SLC45A2: variants seen among roughly 807,000 people sequenced by gnomAD.
The protein encoded by SLC45A2 is membrane-associated transporter protein.
Under a neutral mutation model 45.5 loss-of-function variants are expected in SLC45A2, and 36 were observed. The observed-to-expected ratio is 0.79, with a 90% CI of 0.61 to 1.04. The LOEUF (loss-of-function observed/expected upper bound fraction) is 1.04. SLC45A2 is among the 50% of genes least tolerant of loss of function. The pLI, the probability that SLC45A2 is intolerant of heterozygous loss-of-function variation, is 0.00. For missense variants in SLC45A2, 719 were observed against 671.0 expected (o/e 1.07, Z -0.79); for synonymous variants, 306 against 269.3 (o/e 1.14, Z -1.33).
At chr5:33,970,709 C>G (rs1298144840) in intron 2 of SLC45A2, among the ~76,000 whole-genome samples, 1 of 152,228 alleles carries the variant, frequency 6.6e-6, no homozygotes, top group African/African-American at 2.4e-5. Context: ...GAATATCCAT[C>G]TCACCAATAT....
At chr5:33,968,400 G>A (rs1272352575) in intron 2 of SLC45A2, among the ~76,000 whole-genome samples, 1 of 152,210 alleles carries the variant, frequency 6.6e-6, no homozygotes, top group East Asian at 1.9e-4. Context: ...TATTGGGCAA[G>A]CCATAAGCCA....
At chr5:33,959,623 T>C (rs1561361943) in intron 3 of SLC45A2, among the ~76,000 whole-genome samples, 1 of 152,200 alleles carries the variant, frequency 6.6e-6, no homozygotes, top group Non-Finnish European at 1.5e-5. Flanking sequence ...GGAGCTACTG[T>C]TGGAATCAGA....
chr5:33,964,131 G>T (rs923734660), intron 2 of SLC45A2, 115 bp from the exon 3 acceptor site: 2 of 1,042,750 alleles, frequency 1.9e-6, no homozygotes, highest in Non-Finnish European at 1.5e-6. Flanking sequence ...AGGCAACCTG[G>T]ATATAATTGG....
At chr5:33,952,639 G>A (rs1250643407) in intron 4 of SLC45A2, among the ~76,000 whole-genome samples, 3 of 151,422 alleles carry the variant, frequency 2.0e-5, no homozygotes, top group Admixed American at 2.0e-4. Flanking sequence ...TTTCATACAG[G>A]CCGGAGCTAA....
intron 2 of SLC45A2, among the ~76,000 whole-genome samples, chr5:33,970,704 T>C (rs1227271828): frequency 6.6e-6 from 1 of 152,192 alleles, no homozygotes; most frequent in East Asian, 1.9e-4. Context: ...AAACTGAATA[T>C]CCATCTCACC....
intron 6 of SLC45A2, among the ~76,000 whole-genome samples, chr5:33,945,153 G>A (rs947368918): frequency 3.3e-5 from 5 of 152,094 alleles, no homozygotes; most frequent in Middle Eastern, 3.2e-3. Context: ...ATATTGATGG[G>A]TATTAGCATT....
At chr5:33,972,181 T>C (rs1752803067) in intron 2 of SLC45A2, 2 of 523,552 alleles carry the variant, frequency 3.8e-6, no homozygotes, top group Non-Finnish European at 7.8e-6. Flanking sequence ...AATTAGATGC[T>C]ATTGATGGTT....
intron 2 of SLC45A2, among the ~76,000 whole-genome samples, chr5:33,969,321 C>T (rs1308169107): frequency 6.6e-6 from 1 of 151,922 alleles, no homozygotes; most frequent in Non-Finnish European, 1.5e-5. Context: ...GATACATATG[C>T]TCTGGTCAAA....
intron 3 of SLC45A2, among the ~76,000 whole-genome samples, chr5:33,960,931 C>T (rs1752436329): frequency 6.6e-6 from 1 of 152,154 alleles, no homozygotes; most frequent in African/African-American, 2.4e-5. Flanking sequence ...CATAGGAACT[C>T]TCTCTACTAT....
chr5:33,981,396 G>C (rs1753067205), intron 2 of SLC45A2, among the ~76,000 whole-genome samples: 1 of 152,202 alleles, frequency 6.6e-6, no homozygotes, highest in Admixed American at 6.5e-5. Context: ...GCCATGGAAG[G>C]AGAGAGAATA....
At chr5:33,947,124 C>T in intron 6 of SLC45A2, 39 bp downstream of exon 6, 1 of 1,614,180 alleles carries the variant, frequency 6.2e-7, no homozygotes, top group East Asian at 2.2e-5. Flanking sequence ...TCAGATGAGT[C>T]TGGATGTTAC....
chr5:33,963,340 A>G lies in SLC45A2; in HGVS notation c.888+351T>C, dbSNP rs575165536. ...CCAACCCAAGGATGCTACCATTTGG[A>G]GGAAAAAATTTCTAATTTATGATCC... On this transcript the variant is annotated intron_variant, in intron 3 of 6. Transcript: ENST00000296589. Among the ~76,000 whole-genome samples, 37 of 152,294 alleles carry G rather than the reference A, an allele frequency of 2.4e-4. 1 individual carries two copies. The highest frequency in any genetic ancestry group is 8.9e-4 in the African/African-American group (37 of 41,570).
chr5:33,946,583 G>A, intron 6 of SLC45A2: 1 of 993,718 alleles, frequency 1.0e-6, no homozygotes, highest in Non-Finnish European at 1.2e-6. Context: ...GGTTTAAATG[G>A]CACAGGTCCC....
chr5:33,974,557 C>A (rs188347466), intron 2 of SLC45A2, among the ~76,000 whole-genome samples: 1 of 152,242 alleles, frequency 6.6e-6, no homozygotes, highest in Non-Finnish European at 1.5e-5. Context: ...ACTGAACATG[C>A]CTCTGCCGGA....
chr5:33,962,955 C>T, intron 3 of SLC45A2, among the ~76,000 whole-genome samples: 1 of 152,158 alleles, frequency 6.6e-6, no homozygotes, highest in East Asian at 1.9e-4. Flanking sequence ...CAGTGTTGTC[C>T]AACAGAACGT....
rs752192532 is a variant in SLC45A2 at position 33,982,373 on chromosome 5, A to T, written c.425T>A (p.Ile142Lys). 3 of 1,614,106 alleles carry T rather than the reference A, an allele frequency of 1.9e-6. No individual in the cohort carries two copies. The African/African-American group carries it at 4.0e-5, about 22-fold the overall frequency. ...AACGACACCTATCATGGTGACACTT[A>T]TGGCCCAAACCAGCTTCCTCCTTGG... is the stretch of plus-strand genomic sequence containing the variant. ...ANPRRKLVWA[I>K]SVTMIGVVLF... is the part of the protein sequence containing the mutation. Residue 142 changes from isoleucine to lysine, a missense_variant, in exon 2 of 7, where the codon ATA (isoleucine) becomes AAA (lysine). Ile to Lys is a moderately radical substitution (Grantham distance 102). Coordinates refer to ENST00000296589, the MANE Select transcript of SLC45A2 (RefSeq NM_016180.5).
intron 2 of SLC45A2, among the ~76,000 whole-genome samples, chr5:33,969,144 A>G (rs1752705740): frequency 6.6e-6 from 1 of 150,622 alleles, no homozygotes; most frequent in African/African-American, 2.4e-5. Context: ...TAGAGCACCT[A>G]TCTTCACCAG....
At chr5:33,980,606 A>G (rs796219709) in intron 2 of SLC45A2, among the ~76,000 whole-genome samples, 13 of 152,356 alleles carry the variant, frequency 8.5e-5, no homozygotes, top group African/African-American at 2.6e-4. Flanking sequence ...ACTATGCAGC[A>G]GACACTTCCA....
intron 2 of SLC45A2, among the ~76,000 whole-genome samples, chr5:33,979,382 CTTA>C (rs1406786859): frequency 1.3e-5 from 2 of 152,150 alleles, no homozygotes; most frequent in South Asian, 2.1e-4. Flanking sequence ...AACCAAGGTT[CTTA>C]TTATACAGAT....
Sources: gnomAD v4.1 joint callset for allele counts (sites outside exome capture counted in the v4.1 genomes callset) on GRCh38, gnomAD v4.1.1 for gene constraint, MANE v1.5 for transcripts, NCBI Gene and HGNC (gene_info 2026-07-23, HGNC 2026-07-21) for gene names.